Variants in FAM193A observed in about 807,000 individuals in gnomAD.
FAM193A encodes the protein protein FAM193A.
In FAM193A, 22 loss-of-function variants were observed where a neutral mutation model predicts 126.5. The ratio of observed to expected loss-of-function variants is 0.17; its 90% confidence interval spans 0.12 to 0.25. The LOEUF (loss-of-function observed/expected upper bound fraction) is 0.25. Ranked by LOEUF, FAM193A falls within the 10% of genes least tolerant of loss-of-function variation. The pLI, the probability that FAM193A is intolerant of heterozygous loss-of-function variation, is 1.00. For missense variants in FAM193A, 1,675 were observed against 1,672.8 expected, an observed-to-expected ratio of 1.00 and a Z score of -0.02; for synonymous variants, 761 against 646.8, an observed-to-expected ratio of 1.18 and a Z score of -2.68.
chr4:2,650,704 A>G (rs1182313966), intron 7 of FAM193A, among the ~76,000 whole-genome samples: 1 of 152,158 alleles, frequency 6.6e-6, no homozygotes, highest in Non-Finnish European at 1.5e-5. Context: ...TCTTGCCAAC[A>G]TGAGCTGCAG....
chr4:2,722,445 T>G (rs2109403344), intron 20 of FAM193A, among the ~76,000 whole-genome samples: 1 of 152,308 alleles, frequency 6.6e-6, no homozygotes. Context: ...AGGAATGTGG[T>G]TGATGTTCTT....
At chr4:2,704,285 G>A (rs1384370680) in intron 19 of FAM193A, among the ~76,000 whole-genome samples, 1 of 150,212 alleles carries the variant, frequency 6.7e-6, no homozygotes, top group Non-Finnish European at 1.5e-5. Flanking sequence ...AAAAATTAAG[G>A]CTGGGCATGG....
chr4:2,582,818 CTTCT>C (rs750056113), intron 1 of FAM193A, among the ~76,000 whole-genome samples: 1 of 151,924 alleles, frequency 6.6e-6, no homozygotes, highest in Non-Finnish European at 1.5e-5. Context: ...TGTCTTAAGT[CTTCT>C]TTCTTTGTTG....
At chr4:2,626,708 C>T (rs1743000402) in intron 4 of FAM193A, 131 bp downstream of exon 4, 1 of 581,712 alleles carries the variant, frequency 1.7e-6, no homozygotes, top group African/African-American at 1.8e-5. Context: ...TGGTGCCTGT[C>T]AAGACTGCAG....
intron 5 of FAM193A, 93 bp downstream of exon 5, chr4:2,631,262 G>A (rs963711815): frequency 9.5e-6 from 11 of 1,155,122 alleles, no homozygotes; most frequent in East Asian, 4.9e-5. Flanking sequence ...TGCCGACCTC[G>A]CTGTCACACC....
chr4:2,559,127 G>T (rs1738444513), intron 1 of FAM193A, among the ~76,000 whole-genome samples: 1 of 152,212 alleles, frequency 6.6e-6, no homozygotes, highest in South Asian at 2.1e-4. Flanking sequence ...TGCACAAACT[G>T]AATTGAACTG....
intron 19 of FAM193A, among the ~76,000 whole-genome samples, chr4:2,711,343 G>T (rs1718950377): frequency 1.3e-5 from 2 of 151,074 alleles, no homozygotes; most frequent in Non-Finnish European, 3.0e-5. Flanking sequence ...TTGTTTGTTT[G>T]TTTGTTTTGT....
intron 7 of FAM193A, chr4:2,655,205 CT>C: frequency 1.7e-6 from 1 of 576,314 alleles, no homozygotes; most frequent in Non-Finnish European, 3.2e-6. Context: ...AGAAGTTTAC[CT>C]TTATTTCTAG....
chr4:2,720,038 G>T (rs1327473931), intron 20 of FAM193A: 1 of 181,274 alleles, frequency 5.5e-6, no homozygotes, highest in South Asian at 7.2e-5. Flanking sequence ...CAAGTGATCT[G>T]CCCACCTCAG....
chr4:2,696,381 A>G lies in FAM193A; in HGVS notation c.3295A>G (p.Ser1099Gly). 1 of 1,613,108 alleles carries G rather than the reference A, an allele frequency of 6.2e-7. No homozygotes were observed. Among genetic ancestry groups the G allele is most frequent in the Non-Finnish European group, 8.5e-7 (1 of 1,179,190 alleles). ...TTCTCAGCCTCCAGCTGCACCAACA[A>G]GTAGAAATTATGCAGAAATGAGGGA... is the stretch of plus-strand genomic sequence containing the variant. ...GHGGPPAAPT[S>G]RNYAEMREKL... Residue 1099 changes from serine to glycine, a missense_variant, in exon 18 of 21, where the codon AGT (serine) becomes GGT (glycine). By Grantham distance (56) the Ser-to-Gly change is moderately conservative. This residue lies in a region of FAM193A where 54 missense variants were observed against 114.8 expected (regional missense o/e 0.47). Transcript: ENST00000637812.
chr4:2,630,147 A>T (rs966039370), intron 4 of FAM193A, among the ~76,000 whole-genome samples: 1 of 150,898 alleles, frequency 6.6e-6, no homozygotes, highest in South Asian at 2.1e-4. Flanking sequence ...AAAAAAAAAA[A>T]TGTGGATTAT....
intron 1 of FAM193A, among the ~76,000 whole-genome samples, chr4:2,560,170 C>T (rs1314995885): frequency 7.9e-5 from 12 of 151,990 alleles, no homozygotes; most frequent in African/African-American, 9.6e-5. Context: ...CTCAAACTCC[C>T]GACCTCAGGT....
intron 12 of FAM193A, among the ~76,000 whole-genome samples, chr4:2,664,558 CTTTTTTTTT>C (rs33958851): frequency 5.5e-4 from 40 of 73,088 alleles, no homozygotes; most frequent in African/African-American, 1.6e-3. Flanking sequence ...TATTTTCTTT[CTTTTTTTTT>C]TTTTTTTTTT....
At chr4:2,650,919 T>C (rs1304532399) in intron 7 of FAM193A, among the ~76,000 whole-genome samples, 1 of 152,174 alleles carries the variant, frequency 6.6e-6, no homozygotes, top group African/African-American at 2.4e-5. Flanking sequence ...CACAGTCTTG[T>C]TAGTGTTTGT....
intron 2 of FAM193A, among the ~76,000 whole-genome samples, chr4:2,609,413 G>A (rs760591726): frequency 6.6e-6 from 1 of 151,970 alleles, no homozygotes; most frequent in African/African-American, 2.4e-5. Context: ...AAGACTACTC[G>A]GCAAGTAGTC....
Position 2,700,432 on chromosome 4 carries a change from T to A in FAM193A, c.4260T>A (p.Ser1420=). The A allele has an allele frequency of 1.9e-6, 3 of 1,614,082 alleles. No homozygotes were observed. Among genetic ancestry groups the A allele is most frequent in the Non-Finnish European group, 2.5e-6 (3 of 1,180,010 alleles). The change falls in exon 19 of 21, where the codon TCT becomes TCA. Residue 1420 remains serine, a synonymous_variant. Coordinates refer to ENST00000637812, the MANE Select transcript of FAM193A (RefSeq NM_001366318.2). ...KSNPTPMEPT[S]PGEHQQNSKL... Reference sequence around the variant, plus strand: ...ACCCAACCCCTATGGAGCCCACCTCTCCCGGTGAGCATCAGCAGAACAGCA... The same window carrying A: ...ACCCAACCCCTATGGAGCCCACCTCACCCGGTGAGCATCAGCAGAACAGCA...
chr4:2,693,642 C>G lies in FAM193A; in HGVS notation c.2860C>G (p.Pro954Ala). 6.2e-7 allele frequency: 1 copy of G among 1,614,204 alleles called. No homozygotes were observed. Among genetic ancestry groups the G allele is most frequent in the Non-Finnish European group, 8.5e-7 (1 of 1,180,026 alleles). Residue 954 changes from proline to alanine, a missense_variant, in exon 16 of 21, where the codon CCG becomes GCG. Physicochemically the swap from Pro to Ala is conservative, Grantham distance 27 (BLOSUM62 -1). Transcript: ENST00000637812. ...CCACAGACACTCGGCCCCAGCCGCC[C>G]CGAGGAATAGCCCCACGGGCTTGGC... ...EDHRHSAPAA[P>A]RNSPTGLAPL...
chr4:2,553,691 A>G (rs1471510959), intron 1 of FAM193A, among the ~76,000 whole-genome samples: 1 of 151,720 alleles, frequency 6.6e-6, no homozygotes, highest in African/African-American at 2.4e-5. Flanking sequence ...GTTTATTTAG[A>G]AGTTGGTATG....
chr4:2,731,599 G>A (rs1324370181), intron 20 of FAM193A, among the ~76,000 whole-genome samples, 176 bp from the exon 21 acceptor site: 2 of 151,886 alleles, frequency 1.3e-5, no homozygotes, highest in African/African-American at 4.8e-5. Context: ...CTTCTCAAGT[G>A]CAGCCTGTAG....
Sources: gnomAD v4.1 joint callset for allele counts (sites outside exome capture counted in the v4.1 genomes callset) on GRCh38, gnomAD v4.1.1 for gene constraint, gnomAD v4.1.1 regional missense constraint, MANE v1.5 for transcripts, NCBI Gene and HGNC (gene_info 2026-07-23, HGNC 2026-07-21) for gene names.